ZNF521: variants seen among roughly 807,000 people sequenced by gnomAD.
The protein encoded by ZNF521 is zinc finger protein 521.
Under a neutral mutation model 105.5 loss-of-function variants are expected in ZNF521, and 14 were observed. The observed-to-expected ratio is 0.13, with a 90% CI of 0.09 to 0.21. ZNF521 has a LOEUF of 0.21. Ranked by LOEUF, ZNF521 falls within the 10% of genes least tolerant of loss-of-function variation. The pLI, the probability that ZNF521 is intolerant of heterozygous loss-of-function variation, is 1.00. For missense variants in ZNF521, 1,233 were observed against 1,629.7 expected (o/e 0.76, Z 4.19); for synonymous variants, 635 against 606.0 (o/e 1.05, Z -0.70).
intron 5 of ZNF521, among the ~76,000 whole-genome samples, chr18:25,101,540 T>C (rs1369114916): frequency 1.3e-5 from 2 of 152,170 alleles, no homozygotes; most frequent in Middle Eastern, 3.2e-3. Flanking sequence ...GGAATCTTAC[T>C]ATAAATAAAT....
chr18:25,271,966 G>T (rs1383823576), intron 3 of ZNF521, among the ~76,000 whole-genome samples: 1 of 152,250 alleles, frequency 6.6e-6, no homozygotes, highest in East Asian at 1.9e-4. Context: ...TATCATCAGA[G>T]TGAAGAGGCA....
At chr18:25,293,086 T>C (rs559323795) in intron 3 of ZNF521, among the ~76,000 whole-genome samples, 1 of 152,266 alleles carries the variant, frequency 6.6e-6, no homozygotes, top group Admixed American at 6.5e-5. Flanking sequence ...ATTTTTGTTT[T>C]CTCAGTTGAA....
intron 3 of ZNF521, among the ~76,000 whole-genome samples, chr18:25,311,829 A>G (rs1912327605): frequency 6.6e-6 from 1 of 152,194 alleles, no homozygotes; most frequent in Non-Finnish European, 1.5e-5. Context: ...AGGCAAAACA[A>G]TTTACAGACA....
At chr18:25,233,748 A>G (rs1906692228) in intron 3 of ZNF521, among the ~76,000 whole-genome samples, 1 of 150,996 alleles carries the variant, frequency 6.6e-6, no homozygotes, top group Admixed American at 6.6e-5. Flanking sequence ...ACTTCAGATG[A>G]GCCAACAAAG....
chr18:25,092,975 A>T (rs2033778338), intron 5 of ZNF521, among the ~76,000 whole-genome samples: 1 of 152,318 alleles, frequency 6.6e-6, no homozygotes, highest in East Asian at 1.9e-4. Context: ...GGTATAAAAA[A>T]CCAGGGGCAC....
At chr18:25,075,738 T>A (rs1466027782) in intron 7 of ZNF521, among the ~76,000 whole-genome samples, 1 of 152,086 alleles carries the variant, frequency 6.6e-6, no homozygotes, top group Non-Finnish European at 1.5e-5. Context: ...AAAACAATAA[T>A]AAGGGTTAAG....
intron 4 of ZNF521, among the ~76,000 whole-genome samples, chr18:25,203,774 T>A (rs754303515): frequency 4.6e-5 from 7 of 152,192 alleles, no homozygotes; most frequent in Non-Finnish European, 7.3e-5. Context: ...TTTAAATGAC[T>A]GAGTTGCAAT....
chr18:25,121,616 A>G (rs1342281803), intron 5 of ZNF521, among the ~76,000 whole-genome samples: 2 of 152,154 alleles, frequency 1.3e-5, no homozygotes, highest in Non-Finnish European at 2.9e-5. Flanking sequence ...AGCACCCAGC[A>G]GAGTGACCAC....
chr18:25,224,552 C>T lies in ZNF521; in HGVS notation c.3366G>A (p.Glu1122=). Residue 1122 remains glutamate, a synonymous_variant, in exon 4 of 8, where the codon GAG becomes GAA. Coordinates refer to ENST00000361524, the MANE Select transcript of ZNF521 (RefSeq NM_015461.3). Reference sequence around the variant, plus strand: ...CTTTCCCCTCAATGGCACTCAGATTCTCATTCTGGCCCAAGCCTGGTCTAT... The same window carrying T: ...CTTTCCCCTCAATGGCACTCAGATTTTCATTCTGGCCCAAGCCTGGTCTAT... ...GTNRPGLGQN[E]NLSAIEGKGK... 2 of 1,614,032 alleles carry T rather than the reference C, an allele frequency of 1.2e-6. No individual in the cohort carries two copies. Among genetic ancestry groups the T allele is most frequent in the Non-Finnish European group, 1.7e-6 (2 of 1,179,972 alleles).
chr18:25,156,264 T>C (rs1253822345), intron 5 of ZNF521, among the ~76,000 whole-genome samples: 3 of 152,242 alleles, frequency 2.0e-5, no homozygotes, highest in African/African-American at 7.2e-5. Flanking sequence ...TGGACTTGTT[T>C]AATGCCACTC....
chr18:25,077,768 T>A (rs1213509250), intron 7 of ZNF521, among the ~76,000 whole-genome samples: 1 of 152,018 alleles, frequency 6.6e-6, no homozygotes, highest in African/African-American at 2.4e-5. Context: ...TTTCTGCAAC[T>A]GTGGTTAAGC....
intron 4 of ZNF521, among the ~76,000 whole-genome samples, chr18:25,208,395 T>C (rs1447743730): frequency 6.6e-6 from 1 of 152,192 alleles, no homozygotes; most frequent in Non-Finnish European, 1.5e-5. Context: ...AACAAAATAA[T>C]ATCAATCTAG....
chr18:25,133,256 G>A (rs907821593), intron 5 of ZNF521, among the ~76,000 whole-genome samples: 11 of 152,062 alleles, frequency 7.2e-5, no homozygotes, highest in East Asian at 3.9e-4. Flanking sequence ...TAGATTCTAC[G>A]TGCATTTGTG....
At chr18:25,344,855 C>A (rs556015952) in intron 2 of ZNF521, among the ~76,000 whole-genome samples, 12 of 152,330 alleles carry the variant, frequency 7.9e-5, no homozygotes, top group East Asian at 5.8e-4. Flanking sequence ...GGAATGTATT[C>A]TGTGGCAACA....
intron 7 of ZNF521, among the ~76,000 whole-genome samples, chr18:25,078,129 C>T (rs1483503705): frequency 6.6e-6 from 1 of 152,046 alleles, no homozygotes; most frequent in Non-Finnish European, 1.5e-5. Flanking sequence ...GGGAAGAGGC[C>T]CAGGAGTTAT....
chr18:25,106,629 A>G (rs528623045), intron 5 of ZNF521, among the ~76,000 whole-genome samples: 3 of 152,198 alleles, frequency 2.0e-5, no homozygotes, highest in African/African-American at 7.2e-5. Context: ...ACCCTCCCCA[A>G]TATATAAGAA....
At chr18:25,117,047 A>G (rs2034337604) in intron 5 of ZNF521, among the ~76,000 whole-genome samples, 1 of 51,354 alleles carries the variant, frequency 1.9e-5, no homozygotes, top group Non-Finnish European at 3.9e-5. Flanking sequence ...ACACACACAC[A>G]TATATATACA....
intron 7 of ZNF521, among the ~76,000 whole-genome samples, chr18:25,079,888 A>G (rs1050390134): frequency 9.8e-5 from 15 of 152,336 alleles, no homozygotes; most frequent in Admixed American, 5.2e-4. Context: ...CTGATATTTA[A>G]TGGTATCACA....
At chr18:25,214,485 T>C (rs2036246323) in intron 4 of ZNF521, among the ~76,000 whole-genome samples, 1 of 152,132 alleles carries the variant, frequency 6.6e-6, no homozygotes. Flanking sequence ...TAAGTTGATA[T>C]ATCTCAGTGA....
Sources: allele counts gnomAD v4.1 joint callset (sites outside exome capture counted in the v4.1 genomes callset), GRCh38; gene constraint gnomAD v4.1.1; transcripts MANE v1.5; gene names NCBI Gene and HGNC (gene_info 2026-07-23, HGNC 2026-07-21).